PMM2: variants seen among roughly 807,000 people sequenced by gnomAD.
PMM2 encodes the protein mannose-6-phosphate isomerase.
PMM2 carries 35 observed loss-of-function variants against 33.2 expected under a neutral mutation model. The ratio of observed to expected loss-of-function variants is 1.06; its 90% CI spans 0.81 to 1.40. PMM2 has a LOEUF of 1.40. Ranked by LOEUF, PMM2 falls within the 40% of genes most tolerant of loss-of-function variation. The pLI is 0.00. For missense variants in PMM2, 386 were observed against 306.0 expected, an observed-to-expected ratio of 1.26 and a Z score of -1.95; for synonymous variants, 153 against 114.7, an observed-to-expected ratio of 1.33 and a Z score of -2.13.
chr16:8,832,843 GCCA>G, intron 7 of PMM2: 1 of 985,384 alleles, frequency 1.0e-6, no homozygotes, highest in South Asian at 4.7e-5. Context: ...TTCTCTGATG[GCCA>G]CATGGCCTGT....
chr16:8,826,046 A>G (rs4985044), intron 7 of PMM2, among the ~76,000 whole-genome samples: 136,550 of 152,226 alleles, frequency 0.9, 61,614 homozygotes, highest in East Asian at 0.97. Context: ...GTGCCACCGC[A>G]TCTGGCATAA....
rs1057516323 is a variant in PMM2, at chr16:8,811,700, C to CA, written c.511dup (p.Thr171AsnfsTer11). On this transcript the variant is annotated frameshift_variant, in exon 6 of 8. Transcript: ENST00000268261. LOFTEE classifies it high-confidence loss of function. Reference sequence around the variant, plus strand: ...GGAAAGAGTTTGCTGGAAAAGGCCTCACGTTTTCCATAGGTATTGTATATA... The same window carrying CA: ...GGAAAGAGTTTGCTGGAAAAGGCCTCAACGTTTTCCATAGGTATTGTATATA... The CA allele has an allele frequency of 1.9e-6, 3 of 1,609,260 alleles. No homozygotes were observed. The highest frequency in any genetic ancestry group is 2.6e-6 in the Non-Finnish European group (3 of 1,175,528).
At chr16:8,847,680 G>A in intron 7 of PMM2, 44 bp from the exon 8 acceptor site, 3 of 1,439,200 alleles carry the variant, frequency 2.1e-6, no homozygotes, top group Non-Finnish European at 2.9e-6. Context: ...AATGGCCCGG[G>A]ACAGACGAGG....
chr16:8,802,228 G>T (rs1304406216), intron 2 of PMM2: 1 of 458,104 alleles, frequency 2.2e-6, no homozygotes, highest in Non-Finnish European at 4.4e-6. Flanking sequence ...TCTAGCCCCA[G>T]TCAGACCGGT....
At chr16:8,835,530 A>G (rs2060839970) in intron 7 of PMM2, among the ~76,000 whole-genome samples, 2 of 152,050 alleles carry the variant, frequency 1.3e-5, no homozygotes, top group African/African-American at 4.8e-5. Context: ...GAACAGAATA[A>G]TGGGTAGTAG....
intron 7 of PMM2, among the ~76,000 whole-genome samples, chr16:8,835,814 G>A (rs905328410): frequency 1.3e-5 from 2 of 151,952 alleles, no homozygotes; most frequent in Non-Finnish European, 2.9e-5. Context: ...GAGATGGTAA[G>A]GGGTGCATGA....
intron 7 of PMM2, among the ~76,000 whole-genome samples, chr16:8,815,198 G>T (rs918758960): frequency 1.3e-5 from 2 of 150,758 alleles, no homozygotes; most frequent in Non-Finnish European, 2.9e-5. Context: ...TTCATGGTAT[G>T]AATACACTAT....
At chr16:8,836,893 C>G (rs570752002) in intron 7 of PMM2, among the ~76,000 whole-genome samples, 1 of 151,964 alleles carries the variant, frequency 6.6e-6, no homozygotes, top group Admixed American at 6.6e-5. Flanking sequence ...TTGACTATGC[C>G]TTTAGCTCCA....
intron 7 of PMM2, among the ~76,000 whole-genome samples, chr16:8,820,946 T>C (rs1333228558): frequency 6.6e-6 from 1 of 152,204 alleles, no homozygotes; most frequent in African/African-American, 2.4e-5. Flanking sequence ...TAGTGAACCA[T>C]GTCCTCCTGT....
chr16:8,804,907 C>G (rs2060638362), intron 3 of PMM2, 64 bp downstream of exon 3: 1 of 957,868 alleles, frequency 1.0e-6, no homozygotes, highest in Non-Finnish European at 1.7e-6. Flanking sequence ...GGGCATTTCA[C>G]AATGAATGCC....
chr16:8,808,417 T>TA, intron 4 of PMM2: 1 of 151,694 alleles, frequency 6.6e-6, no homozygotes, highest in South Asian at 2.1e-4. Context: ...GCGTATCATT[T>TA]AGCGAGGGAG....
At chr16:8,838,575 C>CT (rs2060867953) in intron 7 of PMM2, among the ~76,000 whole-genome samples, 1 of 151,478 alleles carries the variant, frequency 6.6e-6, no homozygotes, top group Non-Finnish European at 1.5e-5. Flanking sequence ...GAAGGGAGGT[C>CT]TTGTGGTAAG....
intron 7 of PMM2, among the ~76,000 whole-genome samples, chr16:8,829,991 C>G (rs1490101930): frequency 2.0e-5 from 3 of 152,198 alleles, no homozygotes; most frequent in Non-Finnish European, 4.4e-5. Flanking sequence ...CTAGAGATGC[C>G]CCATGATGGG....
rs2060588329 is a variant in PMM2, at chr16:8,797,891, G to T, written c.9G>T (p.Ala3=). 3 of 1,611,312 alleles carry T rather than the reference G, an allele frequency of 1.9e-6. No individual in the cohort carries two copies. Among genetic ancestry groups the T allele is most frequent in the Non-Finnish European group, 2.5e-6 (3 of 1,179,216 alleles). Residue 3 remains alanine, a synonymous_variant, in exon 1 of 8, where the codon GCG becomes GCT. Transcript: ENST00000268261. MA[A]PGPALCLFDV... Reference sequence around the variant, plus strand: ...GGCTAGAAACTGGGGACATGGCAGCGCCTGGCCCAGCGCTCTGCCTCTTCG... The same window carrying T: ...GGCTAGAAACTGGGGACATGGCAGCTCCTGGCCCAGCGCTCTGCCTCTTCG...
rs917835506 is a variant in PMM2 at position 8,846,043 on chromosome 16, G to A, written c.640-1681G>A. The stretch of plus-strand genomic sequence containing the variant: ...GTCTGTCTGAAGGCCCCCAGGCCTG[G>A]TACAAAACTGTGTAAGGCCAGTACA... On this transcript the variant is annotated intron_variant, in intron 7 of 7. Coordinates refer to ENST00000268261, the MANE Select transcript of PMM2 (RefSeq NM_000303.3). Among the ~76,000 whole-genome samples the A allele has an allele frequency of 1.8e-4, 27 of 152,186 alleles. 1 individual carries two copies. The highest frequency in any genetic ancestry group is 6.3e-4 in the African/African-American group (26 of 41,446).
chr16:8,841,966 T>A (rs945017644), intron 7 of PMM2, among the ~76,000 whole-genome samples: 9 of 151,342 alleles, frequency 5.9e-5, no homozygotes, highest in Non-Finnish European at 4.4e-5. Flanking sequence ...GAGCATAGTT[T>A]GTGATTTTTA....
intron 7 of PMM2, among the ~76,000 whole-genome samples, chr16:8,839,071 A>G (rs2060872313): frequency 6.6e-6 from 1 of 152,020 alleles, no homozygotes; most frequent in Admixed American, 6.5e-5. Flanking sequence ...AGAGGTTGAA[A>G]TGCCTGCTAT....
intron 7 of PMM2, among the ~76,000 whole-genome samples, chr16:8,843,106 C>T (rs2060901098): frequency 2.0e-5 from 3 of 152,032 alleles, no homozygotes; most frequent in Admixed American, 2.0e-4. Flanking sequence ...AAAATGAGTG[C>T]TTCAAAGAGT....
rs532448368 is a variant in PMM2 at position 8,801,439 on chromosome 16, G to T, written c.67-360G>T. 1.6e-4 allele frequency among the ~76,000 whole-genome samples: 25 copies of T among 152,306 alleles called. No homozygotes were observed. In the East Asian group the frequency reaches 3.5e-3, roughly 21 times the overall value. ...TAATCTCAGCACTTTGGGAGGCCAA[G>T]GCTGGTGGATCTCCTGAACCCAGGA... is the stretch of plus-strand genomic sequence containing the variant. On this transcript the variant is annotated intron_variant, in intron 1 of 7. Coordinates refer to ENST00000268261, the MANE Select transcript of PMM2 (RefSeq NM_000303.3).
Sources: gnomAD v4.1 joint callset for allele counts (sites outside exome capture counted in the v4.1 genomes callset) on GRCh38, gnomAD v4.1.1 for gene constraint, MANE v1.5 for transcripts, NCBI Gene and HGNC (gene_info 2026-07-23, HGNC 2026-07-21) for gene names.